MCF2L2: variants seen among roughly 807,000 people sequenced by gnomAD.
The protein encoded by MCF2L2 is MCF.2 cell line derived transforming sequence-like 2, also known as probable guanine nucleotide exchange factor MCF2L2.
MCF2L2 carries 102 observed loss-of-function variants against 150.2 expected under a neutral mutation model. The ratio of observed to expected loss-of-function variants is 0.68; its 90% CI spans 0.58 to 0.80. MCF2L2 has a LOEUF of 0.80. Among genes scored for constraint, MCF2L2 ranks in the 30% least tolerant of loss-of-function variants. MCF2L2 has a pLI of 0.00. For missense variants in MCF2L2, 1,256 were observed against 1,372.8 expected, an observed-to-expected ratio of 0.91 and a Z score of 1.34; for synonymous variants, 465 against 491.3, an observed-to-expected ratio of 0.95 and a Z score of 0.71.
chr3:183,320,388 G>T (rs182617768), intron 6 of MCF2L2, among the ~76,000 whole-genome samples: 1 of 152,118 alleles, frequency 6.6e-6, no homozygotes, highest in African/African-American at 2.4e-5. Flanking sequence ...CCACTGCGCC[G>T]AGCCGAGTAT....
chr3:183,288,456 C>A (rs1727918781), intron 14 of MCF2L2, among the ~76,000 whole-genome samples: 1 of 151,250 alleles, frequency 6.6e-6, no homozygotes, highest in South Asian at 2.1e-4. Context: ...TGTGTGTGTG[C>A]AGCTCTGTGC....
intron 3 of MCF2L2, among the ~76,000 whole-genome samples, chr3:183,358,971 G>C (rs1171926101): frequency 2.0e-5 from 3 of 151,054 alleles, no homozygotes; most frequent in Non-Finnish European, 4.4e-5. Context: ...TAAAGCATCT[G>C]CTGATCATGA....
chr3:183,411,465 T>G (rs1715312126), intron 1 of MCF2L2, among the ~76,000 whole-genome samples: 1 of 152,198 alleles, frequency 6.6e-6, no homozygotes, highest in African/African-American at 2.4e-5. Flanking sequence ...GGAGCCAATG[T>G]GATAACAGCC....
chr3:183,235,616 AG>A lies in MCF2L2; in HGVS notation c.1863-4600del, dbSNP rs1454038794. On this transcript the variant is annotated intron_variant, in intron 15 of 29. Coordinates refer to ENST00000328913, the MANE Select transcript of MCF2L2 (RefSeq NM_015078.4). ...GATATTAGCCCTTTGTCAGATGAGT[AG>A]GTTGCGAAAATTTTCTCCCATGTTG... Among the ~76,000 whole-genome samples, 4 of 100,508 alleles carry A rather than the reference AG, an allele frequency of 4.0e-5. 1 individual carries two copies. The highest frequency in any genetic ancestry group is 7.3e-5 in the Non-Finnish European group (4 of 54,948). The allele number at this position is 100,508 out of a possible 152,430, so 65.9% of individuals were successfully genotyped here.
chr3:183,229,625 C>G (rs1122143), intron 17 of MCF2L2, 41 bp downstream of exon 17: 247,923 of 920,834 alleles, frequency 0.27, 34,961 homozygotes, highest in South Asian at 0.34. Context: ...CCACCCTTCT[C>G]TTACTCTCCA....
chr3:183,355,041 C>CTATTTATTTTAATAATAT (rs1553786837), intron 3 of MCF2L2, among the ~76,000 whole-genome samples: 2 of 150,590 alleles, frequency 1.3e-5, no homozygotes, highest in Non-Finnish European at 3.0e-5. Flanking sequence ...TAAAATGCTT[C>CTATTTATTTTAATAATAT]TATTTATTTT....
chr3:183,217,717 T>G (rs1722996957), intron 21 of MCF2L2, among the ~76,000 whole-genome samples: 1 of 152,182 alleles, frequency 6.6e-6, no homozygotes, highest in Non-Finnish European at 1.5e-5. Context: ...CTGTCCTTCC[T>G]TCCTCCACTT....
In MCF2L2 at chr3:183,193,009, T is replaced by G; in HGVS notation, c.3006A>C (p.Gly1002=). 1 of 1,613,998 alleles carries G rather than the reference T, an allele frequency of 6.2e-7. No individual in the cohort carries two copies. Among genetic ancestry groups the G allele is most frequent in the African/African-American group, 1.3e-5 (1 of 75,052 alleles). ...TSKEDPASST[G]GIKGCSSREF... ...TGGGACCCTCCCTACCTTTAATCCC[T>G]CCTGTGCTGGAGGCCGGGTCTTCCT... The change falls in exon 27 of 30, where the codon GGA becomes GGC. Residue 1002 remains glycine (G), a synonymous_variant. Transcript: ENST00000328913.
At chr3:183,286,622 T>G (rs922656150) in intron 14 of MCF2L2, among the ~76,000 whole-genome samples, 3 of 152,270 alleles carry the variant, frequency 2.0e-5, no homozygotes, top group African/African-American at 7.2e-5. Flanking sequence ...ATACACAATG[T>G]GTGAAACACT....
intron 22 of MCF2L2, among the ~76,000 whole-genome samples, chr3:183,209,935 TAA>T (rs1000217159): frequency 7.0e-6 from 1 of 141,878 alleles, no homozygotes; most frequent in African/African-American, 2.6e-5. Context: ...AATCCTCCCC[TAA>T]AAAAAAAAAA....
At chr3:183,341,163 C>G (rs1165150561) in intron 4 of MCF2L2, among the ~76,000 whole-genome samples, 1 of 152,198 alleles carries the variant, frequency 6.6e-6, no homozygotes, top group Non-Finnish European at 1.5e-5. Context: ...CTCTGGGATA[C>G]TGTGTGGAAC....
At chr3:183,246,093 T>A (rs554897045) in intron 15 of MCF2L2, among the ~76,000 whole-genome samples, 1 of 152,236 alleles carries the variant, frequency 6.6e-6, no homozygotes, top group South Asian at 2.1e-4. Context: ...CTTTAAGAGA[T>A]TGATCATAAA....
At chr3:183,285,529 G>A (rs941972389) in intron 14 of MCF2L2, among the ~76,000 whole-genome samples, 1 of 152,196 alleles carries the variant, frequency 6.6e-6, no homozygotes, top group East Asian at 1.9e-4. Flanking sequence ...TCCTCACAAG[G>A]TTCTGAGGAC....
chr3:183,291,216 G>A (rs548739794), intron 13 of MCF2L2, among the ~76,000 whole-genome samples: 1 of 152,234 alleles, frequency 6.6e-6, no homozygotes, highest in Non-Finnish European at 1.5e-5. Context: ...ACTGAGAAGC[G>A]CCTGTCCTTG....
chr3:183,353,528 CA>C (rs1254899481), intron 3 of MCF2L2, among the ~76,000 whole-genome samples: 1 of 152,142 alleles, frequency 6.6e-6, no homozygotes, highest in East Asian at 1.9e-4. Context: ...GGGGAGGCTT[CA>C]GGAAACTTAC....
intron 15 of MCF2L2, among the ~76,000 whole-genome samples, chr3:183,262,861 T>C (rs1292226096): frequency 6.6e-6 from 1 of 152,012 alleles, no homozygotes; most frequent in Non-Finnish European, 1.5e-5. Context: ...GTGGTGACGC[T>C]GCCTGCCTGG....
chr3:183,382,051 TTTATTATTATTA>T (rs3050286), intron 2 of MCF2L2, among the ~76,000 whole-genome samples: 1 of 148,378 alleles, frequency 6.7e-6, no homozygotes, highest in Non-Finnish European at 1.5e-5. Flanking sequence ...AATTTCACCT[TTTATTATTATTA>T]TTATTATTAT....
chr3:183,206,995 AAGGGAGGG>A (rs1371370190), intron 23 of MCF2L2, among the ~76,000 whole-genome samples: 44 of 100,436 alleles, frequency 4.4e-4, no homozygotes, highest in African/African-American at 1.4e-3. Flanking sequence ...GGGAGGAAGG[AAGGGAGGG>A]AGGAAGGAAG....
Position 183,323,290 on chromosome 3 carries a change from CG to C in MCF2L2, c.547del (p.Arg183GlyfsTer3). On this transcript the variant is annotated frameshift_variant, in exon 6 of 30. Transcript: ENST00000328913. LOFTEE classifies it high-confidence loss of function. Reference protein sequence around the residue: ...HGYIDKSQLTRELGGTLEYRH... With the variant: ...HGYIDKSQLTXELGGTLEYRH... ...ATATTCCAAAGTCCCCCCTAATTCC[CG>C]GGTCAGTTGGCTTTTGTCGATGTAG... 1.2e-6 allele frequency: 2 copies of C among 1,613,802 alleles called. No homozygotes were observed. The highest frequency in any genetic ancestry group is 1.7e-6 in the Non-Finnish European group (2 of 1,179,782).
Sources: gnomAD v4.1 joint callset for allele counts (sites outside exome capture counted in the v4.1 genomes callset) on GRCh38, gnomAD v4.1.1 for gene constraint, MANE v1.5 for transcripts, NCBI Gene and HGNC (gene_info 2026-07-23, HGNC 2026-07-21) for gene names.